TRIOBP: variants seen among roughly 807,000 people sequenced by gnomAD.
TRIOBP encodes the protein TRIO and F-actin-binding protein.
TRIOBP carries 169 observed loss-of-function variants against 238.8 expected under a neutral mutation model. The observed-to-expected ratio is 0.71, with a 90% CI of 0.62 to 0.80. The LOEUF is 0.80. Ranked by LOEUF, TRIOBP falls within the 30% of genes least tolerant of loss-of-function variation. The probability of loss-of-function intolerance (pLI) is 0.00; values close to 1 mark genes in which losing one functional copy is unlikely to be tolerated. For synonymous variants in TRIOBP, 1,150 were observed against 1,274.4 expected, an observed-to-expected ratio of 0.90 and a Z score of 2.08; for missense variants, 2,838 against 3,122.6, an observed-to-expected ratio of 0.91 and a Z score of 2.17.
chr22:37,759,298 G>A, intron 17 of TRIOBP, 34 bp downstream of exon 17: 2 of 1,595,938 alleles, frequency 1.3e-6, no homozygotes, highest in Non-Finnish European at 1.7e-6. Flanking sequence ...AGGGGGAGGG[G>A]GCAGATTTCT....
chr22:37,707,350 C>T (rs543435583), intron 3 of TRIOBP, among the ~76,000 whole-genome samples: 34 of 152,294 alleles, frequency 2.2e-4, no homozygotes, highest in African/African-American at 7.7e-4. Flanking sequence ...CACCTGCCTG[C>T]CTGTGCACTC....
At chr22:37,772,285 C>T (rs1333223831) in intron 22 of TRIOBP, among the ~76,000 whole-genome samples, 4 of 152,312 alleles carry the variant, frequency 2.6e-5, no homozygotes, top group African/African-American at 7.2e-5. Context: ...GAACAGGTGG[C>T]GTGAACTCAC....
chr22:37,772,450 G>A (rs1166706573), intron 22 of TRIOBP, 151 bp from the exon 23 acceptor site: 8 of 1,037,702 alleles, frequency 7.7e-6, no homozygotes, highest in Admixed American at 3.9e-5. Context: ...GGAGGGGTAA[G>A]CCCAGAACCC....
chr22:37,715,134 C>G (rs1425663968), intron 5 of TRIOBP, among the ~76,000 whole-genome samples: 1 of 152,162 alleles, frequency 6.6e-6, no homozygotes, highest in Non-Finnish European at 1.5e-5. Context: ...CCTGCCTCAG[C>G]CTCTCGAGTA....
Position 37,775,110 on chromosome 22 carries a change from C to T in TRIOBP, c.*1330C>T, listed in dbSNP as rs1480737100. ...GTTGCATGGGGCTGGGAAGAGGTCC[C>T]ATTTCTGAGCCACAGAAACAGGCCA... On this transcript the variant is annotated 3_prime_UTR_variant, in exon 24 of 24. Coordinates refer to ENST00000644935, the MANE Select transcript of TRIOBP (RefSeq NM_001039141.3). 1 of 152,194 alleles carries T rather than the reference C, an allele frequency of 6.6e-6. No individual in the cohort carries two copies. The highest frequency in any genetic ancestry group is 1.5e-5 in the Non-Finnish European group (1 of 68,064). The allele number at this position is 152,194 out of a possible 1,614,324, so 9.4% of individuals were successfully genotyped here.
At chr22:37,727,267 C>A in intron 7 of TRIOBP, among the ~76,000 whole-genome samples, 1 of 115,456 alleles carries the variant, frequency 8.7e-6, no homozygotes, top group East Asian at 2.9e-4. Flanking sequence ...TTTTTTTTTT[C>A]TTCCGTGCAT....
In TRIOBP at chr22:37,755,553, A is replaced by G. The variant is rs1331747557; in HGVS notation, c.5581A>G (p.Lys1861Glu). 3 of 1,613,820 alleles carry G rather than the reference A, an allele frequency of 1.9e-6. No homozygotes were observed. The African/African-American group carries it at 4.0e-5, about 22-fold the overall frequency. The change falls in exon 15 of 24, where the codon AAG becomes GAG. Residue 1861 changes from lysine to glutamate, a missense_variant. Around this residue, in one of 5 missense-constraint regions of TRIOBP, gnomAD observed 2,096 missense variants for 2,137.4 expected, o/e 0.98. Transcript: ENST00000644935. ...TACCCATGCGGTGGCCTTGCAGACC[A>G]AGGATGCTGTCTATACCTTGTCGGC... ...QRNYGFQIHTKDAVYTLSAMT... is the reference protein window; with the variant it reads ...QRNYGFQIHTEDAVYTLSAMT...
At chr22:37,750,018 C>T (rs1290660872) in intron 11 of TRIOBP, among the ~76,000 whole-genome samples, 1 of 152,136 alleles carries the variant, frequency 6.6e-6, no homozygotes, top group Non-Finnish European at 1.5e-5. Flanking sequence ...GCGTGCCTGA[C>T]ATGGTATGTG....
intron 5 of TRIOBP, 143 bp downstream of exon 5, chr22:37,713,554 C>T (rs1015170886): frequency 5.2e-5 from 54 of 1,044,916 alleles, no homozygotes; most frequent in South Asian, 4.8e-4. Context: ...GCTGGCAGCT[C>T]GGGCCACCCC....
At position 37,758,012 on chromosome 22, in the gene TRIOBP, G is replaced by A. The variant is rs1926034595; in HGVS notation, c.6087G>A (p.Lys2029=). ...QNRLSEEIEK[K]WQELEKLPLR... ...GGCTTAGTGAGGAGATCGAGAAGAA[G>A]TGGCAGGAGCTGGAGAAGCTGCCCC... is the stretch of plus-strand genomic sequence containing the variant. The change falls in exon 16 of 24, where the codon AAG becomes AAA. Residue 2029 remains lysine, a synonymous_variant. Coordinates refer to ENST00000644935, the MANE Select transcript of TRIOBP (RefSeq NM_001039141.3). 6.2e-7 allele frequency: 1 copy of A among 1,608,118 alleles called. No homozygotes were observed. Among genetic ancestry groups the A allele is most frequent in the Non-Finnish European group, 8.5e-7 (1 of 1,177,988 alleles).
intron 7 of TRIOBP, among the ~76,000 whole-genome samples, chr22:37,730,783 C>T (rs567275723): frequency 1.3e-5 from 2 of 151,908 alleles, no homozygotes; most frequent in African/African-American, 4.8e-5. Context: ...CCCGTCTCTA[C>T]TAAAAATATA....
Position 37,776,461 on chromosome 22 carries a change from A to G in TRIOBP, c.*2681A>G, listed in dbSNP as rs1273862047. 2.0e-5 allele frequency: 3 copies of G among 152,226 alleles called. No homozygotes were observed. Among genetic ancestry groups the G allele is most frequent in the Non-Finnish European group, 4.4e-5 (3 of 68,040 alleles). The allele number at this position is 152,226 out of a possible 1,614,324, so 9.4% of individuals were successfully genotyped here. ...ACATCCAGGAGAAATGAGTCCTTAC[A>G]TGCACAAAAGGATGAGTACCGTAAT... On this transcript the variant is annotated 3_prime_UTR_variant, in exon 24 of 24. Transcript: ENST00000644935.
chr22:37,747,331 G>T (rs1267748145), intron 11 of TRIOBP, among the ~76,000 whole-genome samples: 1 of 152,210 alleles, frequency 6.6e-6, no homozygotes, highest in African/African-American at 2.4e-5. Flanking sequence ...TTGGTTTCTG[G>T]CTAGTGCTTC....
In TRIOBP at chr22:37,726,447, C is replaced by T. The variant is rs761561473; in HGVS notation, c.3891C>T (p.Gly1297=). 1 of 1,571,472 alleles carries T rather than the reference C, an allele frequency of 6.4e-7. No homozygotes were observed. The highest frequency in any genetic ancestry group is 8.6e-7 in the Non-Finnish European group (1 of 1,162,622). ...CCCAGGCGCAGTGCAGCAGCGGGGGCCGCACCCACAGCCCTGGCCGTGCAG... is the reference window on the plus strand; with the variant it reads ...CCCAGGCGCAGTGCAGCAGCGGGGGTCGCACCCACAGCCCTGGCCGTGCAG... The part of the protein sequence containing the change: ...PGPQAQCSSG[G]RTHSPGRAEV... Residue 1297 remains glycine, a synonymous_variant, in exon 7 of 24, where the codon GGC becomes GGT. Transcript: ENST00000644935.
chr22:37,751,337 G>C (rs1569054559), intron 11 of TRIOBP: 1 of 337,718 alleles, frequency 3.0e-6, no homozygotes, highest in African/African-American at 2.2e-5. Context: ...GGGCCCATGG[G>C]AGGGTCCGTG....
chr22:37,726,164 C>T lies in TRIOBP; in HGVS notation c.3608C>T (p.Thr1203Ile). 2 of 1,581,722 alleles carry T rather than the reference C, an allele frequency of 1.3e-6. No individual in the cohort carries two copies. Among genetic ancestry groups the T allele is most frequent in the South Asian group, 2.3e-5 (2 of 87,664 alleles). Residue 1203 changes from threonine (T) to isoleucine (I), a missense_variant, in exon 7 of 24, where the codon ACT becomes ATT. Around this residue, in one of 5 missense-constraint regions of TRIOBP, gnomAD observed 2,096 missense variants for 2,137.4 expected, o/e 0.98. Transcript: ENST00000644935. ...AGTATGGAGAGCCTGGCCCCCTCCA[C>T]TGACTCTCTGCATGGCTCCCCAGTG... ...GTSMESLAPSTDSLHGSPVLI... is the reference protein window; with the variant it reads ...GTSMESLAPSIDSLHGSPVLI...
chr22:37,732,926 A>G (rs1253325954), intron 7 of TRIOBP, among the ~76,000 whole-genome samples: 1 of 152,244 alleles, frequency 6.6e-6, no homozygotes, highest in Non-Finnish European at 1.5e-5. Context: ...CGCAAAGACC[A>G]GTCTAACCTT....
At chr22:37,769,512 A>G (rs1336249536) in intron 21 of TRIOBP, 137 bp downstream of exon 21, 1 of 826,872 alleles carries the variant, frequency 1.2e-6, no homozygotes, top group Non-Finnish European at 2.0e-6. Context: ...TGACTAGGCT[A>G]GAACACCTAC....
At chr22:37,731,869 C>T (rs1401563716) in intron 7 of TRIOBP, among the ~76,000 whole-genome samples, 2 of 152,230 alleles carry the variant, frequency 1.3e-5, no homozygotes, top group South Asian at 2.1e-4. Context: ...GGATTACAGG[C>T]GTGACCCATT....
Sources: gnomAD v4.1 joint callset for allele counts (sites outside exome capture counted in the v4.1 genomes callset) on GRCh38, gnomAD v4.1.1 for gene constraint, gnomAD v4.1.1 regional missense constraint, MANE v1.5 for transcripts, NCBI Gene and HGNC (gene_info 2026-07-23, HGNC 2026-07-21) for gene names.